DNAH17: variants seen among roughly 807,000 people sequenced by gnomAD.
The protein encoded by DNAH17 is dynein axonemal heavy chain 17, also known as axonemal beta dynein heavy chain 17.
Under a neutral mutation model 485.6 loss-of-function variants are expected in DNAH17, and 376 were observed. That is an observed-to-expected ratio of 0.77 (90% CI 0.71 to 0.84). The LOEUF is 0.84. DNAH17 is among the 40% of genes least tolerant of loss of function. The probability of loss-of-function intolerance (pLI) is 0.00; values close to 1 mark genes in which losing one functional copy is unlikely to be tolerated. For missense variants in DNAH17, 6,370 were observed against 5,839.3 expected, an observed-to-expected ratio of 1.09 and a Z score of -2.96; for synonymous variants, 3,031 against 2,405.9, an observed-to-expected ratio of 1.26 and a Z score of -7.60.
chr17:78,427,407 T>C (rs2086514844), intron 77 of DNAH17, among the ~76,000 whole-genome samples: 1 of 152,238 alleles, frequency 6.6e-6, no homozygotes, highest in South Asian at 2.1e-4. Flanking sequence ...CACCAGCCTC[T>C]GGTCAAATGT....
chr17:78,542,613 A>ACCCAG (rs1212864876), intron 17 of DNAH17, among the ~76,000 whole-genome samples: 2 of 152,272 alleles, frequency 1.3e-5, no homozygotes, highest in East Asian at 3.9e-4. Flanking sequence ...CAGACAAAGC[A>ACCCAG]CCCAGGAATG....
intron 1 of DNAH17, among the ~76,000 whole-genome samples, 179 bp downstream of exon 1, chr17:78,577,116 C>A (rs2092443816): frequency 6.6e-6 from 1 of 152,102 alleles, no homozygotes; most frequent in Non-Finnish European, 1.5e-5. Context: ...TGGTACGTGG[C>A]AGCCAGCCTC....
chr17:78,531,196 T>A (rs548208755), intron 20 of DNAH17, among the ~76,000 whole-genome samples: 1 of 152,322 alleles, frequency 6.6e-6, no homozygotes, highest in South Asian at 2.1e-4. Context: ...GATCTACCAC[T>A]GTTTGCTTTA....
At chr17:78,445,797 T>C (rs2087262874) in intron 69 of DNAH17, 117 bp from the exon 70 acceptor site, 2 of 1,150,722 alleles carry the variant, frequency 1.7e-6, no homozygotes, top group Non-Finnish European at 2.4e-6. Flanking sequence ...GGGCGCCCTG[T>C]CCTGCCCCTT....
At chr17:78,495,155 C>T (rs1598582455) in intron 38 of DNAH17, 58 bp from the exon 39 acceptor site, 4 of 1,511,614 alleles carry the variant, frequency 2.6e-6, no homozygotes, top group South Asian at 2.6e-5. Flanking sequence ...ACCTACACCC[C>T]TGCCTGTCCC....
intron 18 of DNAH17, among the ~76,000 whole-genome samples, chr17:78,537,699 G>A (rs2091415264): frequency 6.6e-6 from 1 of 152,236 alleles, no homozygotes; most frequent in South Asian, 2.1e-4. Context: ...GGGGCAGGTT[G>A]GGGCAAGGGG....
intron 48 of DNAH17, among the ~76,000 whole-genome samples, chr17:78,481,398 C>T (rs919477612): frequency 6.6e-6 from 1 of 152,156 alleles, no homozygotes; most frequent in Non-Finnish European, 1.5e-5. Flanking sequence ...CTTAAAAACC[C>T]TCCACAGATA....
At position 78,569,237 on chromosome 17, in the gene DNAH17, G is replaced by T; in HGVS notation, c.1213C>A (p.Pro405Thr). 1 of 1,607,470 alleles carries T rather than the reference G, an allele frequency of 6.2e-7. No individual in the cohort carries two copies. The highest frequency in any genetic ancestry group is 1.3e-5 in the African/African-American group (1 of 74,970). Reference protein sequence around the residue: ...KLFFKDKEPVPWEFPSSLAFS... With the variant: ...KLFFKDKEPVTWEFPSSLAFS... ...GCAAGAGAAGAAGGGAATTCCCAAG[G>T]CACGGGCTCTTTGTCCTTAGAGGAG... The change falls in exon 9 of 81, where the codon CCT (proline) becomes ACT (threonine). Residue 405 changes from proline (P) to threonine (T), a missense_variant. Coordinates refer to ENST00000389840, the MANE Select transcript of DNAH17 (RefSeq NM_173628.4).
At position 78,507,379 on chromosome 17, in the gene DNAH17, G is replaced by A. The variant is rs770169139; in HGVS notation, c.4585-10C>T. 1.9e-6 allele frequency: 3 copies of A among 1,614,032 alleles called. No individual in the cohort carries two copies. Among genetic ancestry groups the A allele is most frequent in the East Asian group, 4.5e-5 (2 of 44,886 alleles). ...CATCTTCCATCAAGGCCTGGGAAGA[G>A]AAGGGGATCGCCAAGGCATTAGGGA... On this transcript the variant is annotated splice_polypyrimidine_tract_variant and intron_variant, in intron 28 of 80. Transcript: ENST00000389840.
Position 78,423,729 on chromosome 17 carries a change from C to A in DNAH17, c.*177G>T, listed in dbSNP as rs1441400725. On this transcript the variant is annotated 3_prime_UTR_variant, in exon 81 of 81. Transcript: ENST00000389840. ...CTCCACTGGCTTTAATCTGCCCCAC[C>A]TCTTCCACACCAACCTCCACCCTCT... 4 of 793,818 alleles carry A rather than the reference C, an allele frequency of 5.0e-6. No homozygotes were observed. The highest frequency in any genetic ancestry group is 1.7e-5 in the South Asian group (1 of 57,624). The allele number at this position is 793,818 out of a possible 1,614,324, so 49.2% of individuals were successfully genotyped here.
Position 78,553,283 on chromosome 17 carries a change from GTTTTTTTTTTTTT to G in DNAH17, c.2179-491_2179-479del, listed in dbSNP as rs60587420. Among the ~76,000 whole-genome samples, 111 of 51,034 alleles carry G rather than the reference GTTTTTTTTTTTTT, an allele frequency of 2.2e-3. 2 individuals carry two copies. Among genetic ancestry groups the G allele is most frequent in the South Asian group, 6.7e-3 (10 of 1,496 alleles). The allele number at this position is 51,034 out of a possible 152,430, so 33.5% of individuals were successfully genotyped here. On this transcript the variant is annotated intron_variant, in intron 14 of 80. Transcript: ENST00000389840. ...AAATTACCCAGTCCCAGGTTTTTGTGTTTTTTTTTTTTTTTTTTTTTTTTTTTTTTTTTTTTAA... is the reference window on the plus strand; with the variant it reads ...AAATTACCCAGTCCCAGGTTTTTGTGTTTTTTTTTTTTTTTTTTTTTTTAA...
At chr17:78,437,915 G>T (rs748813842) in intron 73 of DNAH17, 47 bp from the exon 74 acceptor site, 65 of 1,458,510 alleles carry the variant, frequency 4.5e-5, no homozygotes, top group Non-Finnish European at 6.0e-5. Flanking sequence ...CCAGCTCCTG[G>T]CCCACGAGGA....
intron 3 of DNAH17, 112 bp from the exon 4 acceptor site, chr17:78,571,894 C>T (rs991286486): frequency 2.1e-5 from 22 of 1,061,960 alleles, no homozygotes; most frequent in African/African-American, 1.1e-4. Context: ...GCAGCAGCAC[C>T]GTCTGGTCTC....
intron 70 of DNAH17, 120 bp downstream of exon 70, chr17:78,445,438 T>G (rs2087244291): frequency 7.1e-7 from 1 of 1,401,600 alleles, no homozygotes; most frequent in African/African-American, 1.4e-5. Context: ...GCCTCCTTGC[T>G]TTACTGAATT....
intron 62 of DNAH17, 138 bp downstream of exon 62, chr17:78,458,427 T>C: frequency 2.9e-6 from 2 of 700,278 alleles, no homozygotes; most frequent in Non-Finnish European, 5.0e-6. Context: ...TCCTAATTAC[T>C]TTGAGCTCAA....
At chr17:78,515,350 A>T (rs1182945590) in intron 25 of DNAH17, among the ~76,000 whole-genome samples, 1 of 152,108 alleles carries the variant, frequency 6.6e-6, no homozygotes, top group Non-Finnish European at 1.5e-5. Context: ...CTGTACTAAA[A>T]ATACAAAAAT....
At chr17:78,565,965 C>CA (rs113552234) in intron 11 of DNAH17, among the ~76,000 whole-genome samples, 2,916 of 150,348 alleles carry the variant, frequency 0.019, 103 homozygotes, top group African/African-American at 0.067. Context: ...AACAAACAAA[C>CA]AACAAAAACA....
chr17:78,531,637 C>T (rs888735391), intron 20 of DNAH17, among the ~76,000 whole-genome samples: 7 of 152,220 alleles, frequency 4.6e-5, no homozygotes, highest in Middle Eastern at 3.4e-3. Context: ...CACGCCCGGC[C>T]GACATAAAGT....
At chr17:78,488,803 A>G (rs1362387351) in intron 44 of DNAH17, among the ~76,000 whole-genome samples, 4 of 152,160 alleles carry the variant, frequency 2.6e-5, no homozygotes, top group African/African-American at 9.7e-5. Context: ...AAATTTGGAC[A>G]CAGACATACA....
Sources: gnomAD v4.1 joint callset for allele counts (sites outside exome capture counted in the v4.1 genomes callset) on GRCh38, gnomAD v4.1.1 for gene constraint, MANE v1.5 for transcripts, NCBI Gene and HGNC (gene_info 2026-07-23, HGNC 2026-07-21) for gene names.